Variants in ATF7IP2 observed in about 807,000 individuals in gnomAD.
ATF7IP2 encodes activating transcription factor 7 interacting protein 2.
A neutral mutation model predicts 64.2 loss-of-function variants in ATF7IP2; 42 were observed. That is an observed-to-expected ratio of 0.65 (90% CI 0.51 to 0.85). The LOEUF (loss-of-function observed/expected upper bound fraction) is 0.85. Ranked by LOEUF, ATF7IP2 falls within the 40% of genes least tolerant of loss-of-function variation. The pLI, the probability that ATF7IP2 is intolerant of heterozygous loss-of-function variation, is 0.00. For missense variants in ATF7IP2, 933 were observed against 784.2 expected, an observed-to-expected ratio of 1.19 and a Z score of -2.27; for synonymous variants, 308 against 272.8, an observed-to-expected ratio of 1.13 and a Z score of -1.27.
intron 8 of ATF7IP2, among the ~76,000 whole-genome samples, chr16:10,442,175 T>C (rs771058387): frequency 1.3e-4 from 20 of 152,208 alleles, no homozygotes; most frequent in Non-Finnish European, 2.4e-4. Flanking sequence ...CCATGGTAGA[T>C]GAAGGCATGC....
chr16:10,472,141 G>C lies in ATF7IP2; in HGVS notation c.1384G>C (p.Glu462Gln). 6.4e-7 allele frequency: 1 copy of C among 1,572,764 alleles called. No individual in the cohort carries two copies. Among genetic ancestry groups the C allele is most frequent in the Non-Finnish European group, 8.7e-7 (1 of 1,152,858 alleles). The stretch of plus-strand genomic sequence containing the variant: ...TGATGATGTTATGTTGATTTCTGTG[G>C]AAAGTCCTAATTTGACAACTCCAAT... ...NNDDVMLISV[E>Q]SPNLTTPITS... The change falls in exon 10 of 14, where the codon GAA (glutamate) becomes CAA (glutamine). Residue 462 changes from glutamate to glutamine, a missense_variant. By Grantham distance (29) the Glu-to-Gln change is conservative. Transcript: ENST00000562102.
At chr16:10,474,432 G>T (rs1337241698) in intron 12 of ATF7IP2, among the ~76,000 whole-genome samples, 1 of 152,036 alleles carries the variant, frequency 6.6e-6, no homozygotes, top group African/African-American at 2.4e-5. Flanking sequence ...CTGGCTTGTT[G>T]GGGACTTTTA....
At chr16:10,452,252 T>C (rs911430114) in intron 8 of ATF7IP2, among the ~76,000 whole-genome samples, 2 of 152,210 alleles carry the variant, frequency 1.3e-5, no homozygotes, top group African/African-American at 4.8e-5. Flanking sequence ...CCCATCTTTG[T>C]GGATTTATCT....
At chr16:10,394,579 G>C (rs547696572) in intron 1 of ATF7IP2, among the ~76,000 whole-genome samples, 1 of 152,156 alleles carries the variant, frequency 6.6e-6, no homozygotes, top group Non-Finnish European at 1.5e-5. Flanking sequence ...TAGACTTTTG[G>C]AGTGTATGTA....
chr16:10,428,255 T>A (rs530983066), intron 3 of ATF7IP2, among the ~76,000 whole-genome samples: 87 of 152,344 alleles, frequency 5.7e-4, no homozygotes, highest in South Asian at 2.9e-3. Context: ...TTCACTTTAT[T>A]ATACTTTGTA....
intron 8 of ATF7IP2, among the ~76,000 whole-genome samples, chr16:10,456,689 G>T (rs994749572): frequency 1.1e-4 from 16 of 152,088 alleles, no homozygotes; most frequent in African/African-American, 3.9e-4. Flanking sequence ...AATGGATTGG[G>T]CCTGCCATTG....
rs562125012 is a variant in ATF7IP2 at position 10,478,742 on chromosome 16, C to T, written c.1550-2137C>T. ...AACCTACAAAATGGGAGAAAATTTTCGCAATCTACTCATCTGACAAAGGGC... is the reference window on the plus strand; with the variant it reads ...AACCTACAAAATGGGAGAAAATTTTTGCAATCTACTCATCTGACAAAGGGC... On this transcript the variant is annotated intron_variant, in intron 12 of 13. Transcript: ENST00000562102. Among the ~76,000 whole-genome samples, 361 of 152,272 alleles carry T rather than the reference C, an allele frequency of 2.4e-3. 3 individuals carry two copies. The highest frequency in any genetic ancestry group is 8.1e-3 in the African/African-American group (338 of 41,562).
At chr16:10,422,741 A>G (rs1033002173) in intron 3 of ATF7IP2, among the ~76,000 whole-genome samples, 7 of 152,182 alleles carry the variant, frequency 4.6e-5, no homozygotes, top group Admixed American at 3.9e-4. Flanking sequence ...GATTCCCCCA[A>G]TAAGCTGCTT....
At chr16:10,475,618 G>A (rs774206683) in intron 12 of ATF7IP2, among the ~76,000 whole-genome samples, 7 of 150,540 alleles carry the variant, frequency 4.6e-5, no homozygotes, top group African/African-American at 7.3e-5. Context: ...GCGCGAACCC[G>A]GGAAGTGGAG....
At chr16:10,446,874 G>C (rs1288705870) in intron 8 of ATF7IP2, 2 of 152,048 alleles carry the variant, frequency 1.3e-5, no homozygotes, top group Non-Finnish European at 2.9e-5. Context: ...GTTTGTGTGA[G>C]GCTCAATGCC....
intron 3 of ATF7IP2, among the ~76,000 whole-genome samples, chr16:10,427,937 G>T (rs550767073): frequency 6.0e-5 from 9 of 151,212 alleles, no homozygotes; most frequent in Admixed American, 5.9e-4. Flanking sequence ...TCTACCCAAA[G>T]AATTATTACA....
chr16:10,434,807 T>TGTTG (rs1412012425), intron 6 of ATF7IP2, among the ~76,000 whole-genome samples: 1 of 152,160 alleles, frequency 6.6e-6, no homozygotes, highest in African/African-American at 2.4e-5. Flanking sequence ...TTTGTTTGTT[T>TGTTG]GTTTGTTTGA....
chr16:10,470,298 A>T (rs1035050667), intron 9 of ATF7IP2, among the ~76,000 whole-genome samples: 2 of 152,190 alleles, frequency 1.3e-5, no homozygotes, highest in Non-Finnish European at 2.9e-5. Flanking sequence ...CAATGACTTC[A>T]GAGAACATAA....
At chr16:10,460,289 TATATG>T (rs1476781806) in intron 9 of ATF7IP2, among the ~76,000 whole-genome samples, 1 of 152,146 alleles carries the variant, frequency 6.6e-6, no homozygotes, top group Non-Finnish European at 1.5e-5. Flanking sequence ...ATTAAAAAGA[TATATG>T]GTGTGGACAA....
chr16:10,445,521 T>G (rs1253287108), intron 8 of ATF7IP2: 1 of 152,184 alleles, frequency 6.6e-6, no homozygotes, highest in East Asian at 1.9e-4. Flanking sequence ...TTTATTTATT[T>G]GAGACAGGGC....
intron 8 of ATF7IP2, chr16:10,449,783 G>C (rs970933498): frequency 6.6e-6 from 1 of 151,786 alleles, no homozygotes; most frequent in African/African-American, 2.4e-5. Flanking sequence ...TTTTTTGTTT[G>C]TTTGTTTGTT....
chr16:10,395,525 A>G (rs556331599), intron 1 of ATF7IP2, among the ~76,000 whole-genome samples: 1 of 152,200 alleles, frequency 6.6e-6, no homozygotes, highest in Non-Finnish European at 1.5e-5. Flanking sequence ...TTTAATGTAT[A>G]GAGATGTGAA....
intron 8 of ATF7IP2, among the ~76,000 whole-genome samples, chr16:10,451,443 C>T (rs932931606): frequency 1.3e-5 from 2 of 152,126 alleles, no homozygotes; most frequent in Non-Finnish European, 2.9e-5. Context: ...CTGTCACTTT[C>T]GGGTACAACA....
Position 10,479,872 on chromosome 16 carries a change from G to A in ATF7IP2, c.1550-1007G>A, listed in dbSNP as rs148373435. ...CGAGGATGTGGAGAAATAGGAATGC[G>A]TTTACACTGTTGGTAGGAATGTAAA... is the stretch of plus-strand genomic sequence containing the variant. On this transcript the variant is annotated intron_variant, in intron 12 of 13. Transcript: ENST00000562102. Among the ~76,000 whole-genome samples, 1,061 of 149,696 alleles carry A rather than the reference G, an allele frequency of 7.1e-3. 9 individuals are homozygous for A. The highest frequency in any genetic ancestry group is 0.024 in the African/African-American group (991 of 40,788).
Sources: allele counts gnomAD v4.1 joint callset (sites outside exome capture counted in the v4.1 genomes callset), GRCh38; gene constraint gnomAD v4.1.1; transcripts MANE v1.5; gene names NCBI Gene and HGNC (gene_info 2026-07-23, HGNC 2026-07-21).